CNTRL: variants seen among roughly 807,000 people sequenced by gnomAD.
The protein encoded by CNTRL is 110 kDa centrosomal protein.
CNTRL carries 233 observed loss-of-function variants against 303.7 expected under a neutral mutation model. The ratio of observed to expected loss-of-function variants is 0.77; its 90% CI spans 0.69 to 0.86. The LOEUF (loss-of-function observed/expected upper bound fraction) is 0.86, where lower values mean the gene tolerates loss of function less well. Ranked by LOEUF, CNTRL falls within the 40% of genes least tolerant of loss-of-function variation. The pLI is 0.00. For synonymous variants in CNTRL, 900 were observed against 922.2 expected (o/e 0.98, Z 0.44); for missense variants, 2,524 against 2,650.6 (o/e 0.95, Z 1.05).
chr9:121,112,033 C>T (rs981360918), intron 8 of CNTRL, among the ~76,000 whole-genome samples: 12 of 152,006 alleles, frequency 7.9e-5, no homozygotes, highest in African/African-American at 1.2e-4. Flanking sequence ...CAGTTAATGT[C>T]AGTTATCATT....
At chr9:121,149,102 A>G (rs977141877) in intron 24 of CNTRL, among the ~76,000 whole-genome samples, 24 of 152,174 alleles carry the variant, frequency 1.6e-4, no homozygotes, top group African/African-American at 5.1e-4. Context: ...TCCTCAAACA[A>G]TGCTCCTAAA....
chr9:121,125,747 G>C lies in CNTRL; in HGVS notation c.1836G>C (p.Lys612Asn). 2 of 1,614,162 alleles carry C rather than the reference G, an allele frequency of 1.2e-6. No individual in the cohort carries two copies. Among genetic ancestry groups the C allele is most frequent in the Non-Finnish European group, 1.7e-6 (2 of 1,180,028 alleles). The part of the protein sequence containing the change: ...GQIAANEALK[K>N]DLEGVISGLQ... ...TAGCAGCAAATGAAGCCCTGAAGAAGGATTTAGAAGGTGTTATCAGTGGGT... is the reference window on the plus strand; with the variant it reads ...TAGCAGCAAATGAAGCCCTGAAGAACGATTTAGAAGGTGTTATCAGTGGGT... Residue 612 changes from lysine to asparagine, a missense_variant, in exon 14 of 44, where the codon AAG (lysine) becomes AAC (asparagine). Coordinates refer to ENST00000373855, the MANE Select transcript of CNTRL (RefSeq NM_007018.6).
chr9:121,135,744 C>A, intron 14 of CNTRL, 62 bp from the exon 15 acceptor site: 1 of 1,448,650 alleles, frequency 6.9e-7, no homozygotes, highest in South Asian at 1.4e-5. Flanking sequence ...ACTTATAATG[C>A]CTTGCAAATG....
chr9:121,113,212 G>A (rs1416484105), intron 9 of CNTRL, among the ~76,000 whole-genome samples: 4 of 152,134 alleles, frequency 2.6e-5, no homozygotes, highest in African/African-American at 4.8e-5. Flanking sequence ...AGATCAAGCA[G>A]TGCTAAAAAT....
In CNTRL at chr9:121,152,586, A is replaced by G. The variant is rs1296961969; in HGVS notation, c.4065A>G (p.Glu1355=). The change falls in exon 26 of 44, where the codon GAA becomes GAG. Residue 1355 remains glutamate, a synonymous_variant. Transcript: ENST00000373855. ...CATCCAAGCGGCAGTCGGAGAAAGA[A>G]ATGGAAGAACTGCATCATAATATTG... ...MRASKRQSEK[E]MEELHHNIDD... 6 of 1,614,128 alleles carry G rather than the reference A, an allele frequency of 3.7e-6. No homozygotes were observed. Among genetic ancestry groups the G allele is most frequent in the Non-Finnish European group, 5.1e-6 (6 of 1,179,964 alleles).
Position 121,162,226 on chromosome 9 carries a change from A to G in CNTRL, c.5378A>G (p.Gln1793Arg). The change falls in exon 34 of 44, where the codon CAA (glutamine) becomes CGA (arginine). Residue 1793 changes from glutamine to arginine, a missense_variant. Physicochemically the swap from Gln to Arg is conservative, Grantham distance 43 (BLOSUM62 1). Coordinates refer to ENST00000373855, the MANE Select transcript of CNTRL (RefSeq NM_007018.6). ...ECLSKEKEDLQEKCDIWEKKL... is the reference protein window; with the variant it reads ...ECLSKEKEDLREKCDIWEKKL... ...TTGAGCAAAGAAAAGGAAGATCTCCAAGAGAAATGTGACATTTGGGAAAAA... is the reference window on the plus strand; with the variant it reads ...TTGAGCAAAGAAAAGGAAGATCTCCGAGAGAAATGTGACATTTGGGAAAAA... 6.2e-7 allele frequency: 1 copy of G among 1,614,172 alleles called. No homozygotes were observed. Among genetic ancestry groups the G allele is most frequent in the East Asian group, 2.2e-5 (1 of 44,876 alleles).
At position 121,168,299 on chromosome 9, in the gene CNTRL, G is replaced by A. The variant is rs140702988; in HGVS notation, c.6048G>A (p.Leu2016=). Residue 2016 remains leucine, a synonymous_variant, in exon 38 of 44, where the codon CTG becomes CTA. Transcript: ENST00000373855. ...AAGAGGAGAGGTGGTGTGAGAGCCT[G>A]GAGAAGACACTCTCCCAAACTAGTA... is the stretch of plus-strand genomic sequence containing the variant. ...LQEEERWCES[L]EKTLSQTKRQ... The A allele has an allele frequency of 6.2e-7, 1 of 1,613,988 alleles. No individual in the cohort carries two copies. The highest frequency in any genetic ancestry group is 1.3e-5 in the African/African-American group (1 of 74,918).
intron 7 of CNTRL, 38 bp from the exon 8 acceptor site, chr9:121,107,764 A>G (rs1389393348): frequency 8.9e-6 from 11 of 1,233,740 alleles, no homozygotes; most frequent in Non-Finnish European, 1.2e-5. Flanking sequence ...AAAATAGGAA[A>G]TATAATGATA....
chr9:121,147,370 T>C (rs1443999440), intron 23 of CNTRL, among the ~76,000 whole-genome samples: 1 of 152,136 alleles, frequency 6.6e-6, no homozygotes, highest in Non-Finnish European at 1.5e-5. Flanking sequence ...GCCATAATTA[T>C]GTAGGCCATG....
rs562081955 is a variant in CNTRL at position 121,100,024 on chromosome 9, G to T, written c.808+1452G>T. On this transcript the variant is annotated intron_variant, in intron 7 of 43. Coordinates refer to ENST00000373855, the MANE Select transcript of CNTRL (RefSeq NM_007018.6). The stretch of plus-strand genomic sequence containing the variant: ...AGGAGAACTTCCCCAACCTAGCAAG[G>T]CAGGCCAACATTCAAATTCAGGAAA... Among the ~76,000 whole-genome samples, 6 of 152,246 alleles carry T rather than the reference G, an allele frequency of 3.9e-5. No individual in the cohort carries two copies. In the East Asian group the frequency reaches 1.2e-3, roughly 29 times the overall value.
chr9:121,124,667 G>T (rs1021015315), intron 13 of CNTRL, among the ~76,000 whole-genome samples: 3 of 151,722 alleles, frequency 2.0e-5, no homozygotes, highest in Non-Finnish European at 2.9e-5. Context: ...GCCAGGAGTG[G>T]TGGCTCACGC....
intron 7 of CNTRL, 146 bp downstream of exon 7, chr9:121,098,718 C>G (rs575138978): frequency 3.1e-6 from 2 of 645,594 alleles, no homozygotes; most frequent in South Asian, 4.3e-5. Context: ...CAAATATTTA[C>G]TGAGTGTGTA....
chr9:121,144,464 A>G (rs1416268977), intron 20 of CNTRL, among the ~76,000 whole-genome samples: 3 of 152,200 alleles, frequency 2.0e-5, no homozygotes, highest in Non-Finnish European at 4.4e-5. Context: ...GTTACTTCAT[A>G]GTATGACTCC....
rs2048985689 is a variant in CNTRL at position 121,098,475 on chromosome 9, C to T, written c.711C>T (p.Leu237=). The part of the protein sequence containing the change: ...ENPVVTLPHY[L]QFTIFHLRSL... ...CAGTTGTGACCCTTCCTCATTACCT[C>T]CAGTTTACCATTTTCCACCTCCGTT... Residue 237 remains leucine (L), a synonymous_variant, in exon 7 of 44, where the codon CTC becomes CTT. Coordinates refer to ENST00000373855, the MANE Select transcript of CNTRL (RefSeq NM_007018.6). 2 of 1,613,666 alleles carry T rather than the reference C, an allele frequency of 1.2e-6. No homozygotes were observed. The highest frequency in any genetic ancestry group is 2.7e-5 in the African/African-American group (2 of 74,908).
chr9:121,169,135 A>G (rs1438135354), intron 38 of CNTRL, among the ~76,000 whole-genome samples: 1 of 152,198 alleles, frequency 6.6e-6, no homozygotes, highest in South Asian at 2.1e-4. Flanking sequence ...CATTATTCCA[A>G]TTGAACATCA....
chr9:121,163,421 T>C (rs932566619), intron 34 of CNTRL, among the ~76,000 whole-genome samples: 1 of 151,214 alleles, frequency 6.6e-6, no homozygotes, highest in Non-Finnish European at 1.5e-5. Flanking sequence ...GAAGAAAACA[T>C]AAAACATAGC....
intron 14 of CNTRL, among the ~76,000 whole-genome samples, chr9:121,131,393 C>A (rs2050847118): frequency 6.6e-6 from 1 of 152,224 alleles, no homozygotes; most frequent in Admixed American, 6.5e-5. Flanking sequence ...TAATACCCTT[C>A]TTTGTCGCTT....
At chr9:121,140,475 C>T (rs542072311) in intron 16 of CNTRL, among the ~76,000 whole-genome samples, 166 bp from the exon 17 acceptor site, 5 of 152,302 alleles carry the variant, frequency 3.3e-5, no homozygotes, top group African/African-American at 1.2e-4. Context: ...CATTGTTACA[C>T]TGAGTTTGAA....
chr9:121,146,312 C>T (rs2051850221), intron 23 of CNTRL, 56 bp downstream of exon 23: 1 of 1,535,478 alleles, frequency 6.5e-7, no homozygotes, highest in Non-Finnish European at 8.8e-7. Context: ...GAAAGTGTGA[C>T]ATTGTCCCCT....
Sources: allele counts gnomAD v4.1 joint callset (sites outside exome capture counted in the v4.1 genomes callset), GRCh38; gene constraint gnomAD v4.1.1; transcripts MANE v1.5; gene names NCBI Gene and HGNC (gene_info 2026-07-23, HGNC 2026-07-21).